The following CLDN15 variants were observed in gnomAD, a reference collection of about 807,000 sequenced individuals.
CLDN15 encodes the protein claudin-15.
A neutral mutation model predicts 24.5 loss-of-function variants in CLDN15; 9 were observed. That is an observed-to-expected ratio of 0.37 (90% CI 0.22 to 0.64). The LOEUF (loss-of-function observed/expected upper bound fraction) is 0.64, where lower values mean the gene tolerates loss of function less well. CLDN15 is among the 30% of genes least tolerant of loss of function. The pLI is 0.63. For synonymous variants in CLDN15, 149 were observed against 131.4 expected (o/e 1.13, Z -0.92); for missense variants, 248 against 305.9 (o/e 0.81, Z 1.41).
upstream of CLDN15, chr7:101,237,855 C>A (rs1305321013): frequency 4.2e-6 from 2 of 479,468 alleles, no homozygotes; most frequent in South Asian, 2.1e-5. This position sits in a 1 kb window ranked among gnomAD's most constrained non-coding sequence, Gnocchi z 4.0. Flanking sequence ...ATAACCGAAA[C>A]GGGCCAAAAG....
chr7:101,233,764 AT>A (rs746861741), intron 2 of CLDN15: 2,156 of 88,500 alleles, frequency 0.024, 39 homozygotes, highest in Admixed American at 0.086. Flanking sequence ...CGCCTGGCTA[AT>A]TTTTTTTTTT....
chr7:101,232,579 C>T lies in CLDN15; in HGVS notation c.581+25G>A, dbSNP rs377039190. The T allele has an allele frequency of 1.8e-3, 2,837 of 1,595,446 alleles. 7 individuals carry two copies. The highest frequency in any genetic ancestry group is 0.011 in the Middle Eastern group (66 of 5,800). On this transcript the variant is annotated intron_variant, in intron 4 of 4. Transcript: ENST00000308344. ...CTCCTCTCTCCAATCCCGCCCGGCCCCAGCCTGCGCCTCACCCTGCTCACC... is the reference window on the plus strand; with the variant it reads ...CTCCTCTCTCCAATCCCGCCCGGCCTCAGCCTGCGCCTCACCCTGCTCACC...
At position 101,232,624 on chromosome 7, in the gene CLDN15, A is replaced by G; in HGVS notation, c.561T>C (p.Ser187=). The change falls in exon 4 of 5, where the codon TCT becomes TCC. Residue 187 remains serine, a synonymous_variant. Transcript: ENST00000308344. ...CTCACCTGGCGGCTGGGTCCTCGTC[A>G]GAGCCGCAGCAGCAGGCGGAGCAGA... ...LCLCSACCCG[S]DEDPAASARR... 1 of 1,589,466 alleles carries G rather than the reference A, an allele frequency of 6.3e-7. No homozygotes were observed. Among genetic ancestry groups the G allele is most frequent in the Non-Finnish European group, 8.6e-7 (1 of 1,168,214 alleles).
chr7:101,234,370 A>G lies in CLDN15; in HGVS notation c.290T>C (p.Ile97Thr), dbSNP rs2116836989. The G allele has an allele frequency of 6.2e-7, 1 of 1,612,936 alleles. No homozygotes were observed. Among genetic ancestry groups the G allele is most frequent in the East Asian group, 2.2e-5 (1 of 44,868 alleles). The change falls in exon 2 of 5, where the codon ATA becomes ACA. Residue 97 changes from isoleucine (I) to threonine (T), a missense_variant. Transcript: ENST00000308344. ...LLGFLGLLLGIAGLRCTNIGG... is the reference protein window; with the variant it reads ...LLGFLGLLLGTAGLRCTNIGG... Reference sequence around the variant, plus strand: ...AATGTTGGTGCAGCGCAGGCCCGCTATGCCTAGCAAGAGGCCGAGGAAGCC... The same window carrying G: ...AATGTTGGTGCAGCGCAGGCCCGCTGTGCCTAGCAAGAGGCCGAGGAAGCC...
chr7:101,232,822 T>A lies in CLDN15; in HGVS notation c.464+11A>T. ...CCCCGAGGGCGGGGGGTGGGGGGTT[T>A]CCTCACTCACTTGGTTCCGGGGTAC... On this transcript the variant is annotated intron_variant, in intron 3 of 4. Coordinates refer to ENST00000308344, the MANE Select transcript of CLDN15 (RefSeq NM_014343.3). 1 of 1,609,304 alleles carries A rather than the reference T, an allele frequency of 6.2e-7. No individual in the cohort carries two copies. The highest frequency in any genetic ancestry group is 8.5e-7 in the Non-Finnish European group (1 of 1,176,104).
rs10224994 is a variant in CLDN15, at chr7:101,237,098, C to T, written c.217+267G>A. 1.3e-3 allele frequency among the ~76,000 whole-genome samples: 191 copies of T among 152,348 alleles called. No individual in the cohort carries two copies. Among genetic ancestry groups the T allele is most frequent in the African/African-American group, 4.4e-3 (182 of 41,582 alleles). On this transcript the variant is annotated intron_variant, in intron 1 of 4. Coordinates refer to ENST00000308344, the MANE Select transcript of CLDN15 (RefSeq NM_014343.3). The surrounding 1 kb of genome is among the most constrained non-coding windows in gnomAD (Gnocchi z 4.0). ...TGAAGCTGGTTTCATCATTTGCCCA[C>T]AGCACAGGGCTGGGAAAGGGGGTCT...
chr7:101,235,730 TCCTC>T (rs1798608362), intron 1 of CLDN15, among the ~76,000 whole-genome samples: 1 of 151,982 alleles, frequency 6.6e-6, no homozygotes, highest in South Asian at 2.1e-4. Flanking sequence ...AGCACTTTCT[TCCTC>T]CCAGCCACTC....
In CLDN15 at chr7:101,237,599, T is replaced by TG. The variant is rs755492734; in HGVS notation, c.-19dup. 393 of 1,596,834 alleles carry TG rather than the reference T, an allele frequency of 2.5e-4. No homozygotes were observed. The highest frequency in any genetic ancestry group is 3.1e-4 in the Non-Finnish European group (364 of 1,164,924). ...ATCGACATGGTGGGATGCAGGACCC[T>TG]GGGGGGCTGGTGCCCCAGAGAGGGG... On this transcript the variant is annotated 5_prime_UTR_variant, in exon 1 of 5. Transcript: ENST00000308344. The surrounding 1 kb of genome is among the most constrained non-coding windows in gnomAD (Gnocchi z 4.0).
At position 101,232,844 on chromosome 7, in the gene CLDN15, G is replaced by T; in HGVS notation, c.453C>A (p.Tyr151Ter). 6.2e-7 allele frequency: 1 copy of T among 1,613,110 alleles called. No individual in the cohort carries two copies. The highest frequency in any genetic ancestry group is 8.5e-7 in the Non-Finnish European group (1 of 1,179,496). ...NITRDFFDPL[Y>*]PGTKYELGPA... ...GTTTCCTCACTCACTTGGTTCCGGG[G>T]TACAAGGGGTCGAAGAAGTCCCGGG... is the stretch of plus-strand genomic sequence containing the variant. The change falls in exon 3 of 5, where the codon TAC becomes TAA. Residue 151 changes from tyrosine to a stop codon, truncating the protein, a stop_gained. Transcript: ENST00000308344. LOFTEE classifies it high-confidence loss of function.
Position 101,234,399 on chromosome 7 carries a change from G to A in CLDN15, c.261C>T (p.Leu87=). 1 of 1,613,334 alleles carries A rather than the reference G, an allele frequency of 6.2e-7. No individual in the cohort carries two copies. The highest frequency in any genetic ancestry group is 8.5e-7 in the Non-Finnish European group (1 of 1,179,522). The change falls in exon 2 of 5, where the codon CTC becomes CTT. Residue 87 remains leucine (L), a synonymous_variant. Coordinates refer to ENST00000308344, the MANE Select transcript of CLDN15 (RefSeq NM_014343.3). ...ACRALMITAI[L]LGFLGLLLGI... is the part of the protein sequence containing the mutation. ...CTAGCAAGAGGCCGAGGAAGCCCAG[G>A]AGGATGGCGGTGATCATGAGTGCCC...
intron 2 of CLDN15, 53 bp from the exon 3 acceptor site, chr7:101,232,967 A>ATTGGGGGGGT: frequency 1.8e-6 from 1 of 546,996 alleles, no homozygotes. Flanking sequence ...ATAGTGGGGG[A>ATTGGGGGGGT]GGGGGCTTAG....
intron 2 of CLDN15, 87 bp downstream of exon 2, chr7:101,234,191 G>T: frequency 9.3e-7 from 1 of 1,070,134 alleles, no homozygotes; most frequent in Non-Finnish European, 1.4e-6. Flanking sequence ...TGAGGAGTGG[G>T]AATTGGAGAG....
intron 1 of CLDN15, among the ~76,000 whole-genome samples, chr7:101,236,270 G>A (rs978109134): frequency 6.6e-6 from 1 of 151,882 alleles, no homozygotes; most frequent in African/African-American, 2.4e-5. Context: ...TGGGGGGGGG[G>A]CCCGCCGGCC....
chr7:101,237,853 A>C, upstream of CLDN15: 3 of 468,946 alleles, frequency 6.4e-6, no homozygotes, highest in Non-Finnish European at 7.9e-6. The surrounding 1 kb of genome is among the most constrained non-coding windows in gnomAD (Gnocchi z 4.0). Flanking sequence ...GAATAACCGA[A>C]ACGGGCCAAA....
Position 101,232,634 on chromosome 7 carries a change from C to T in CLDN15, c.551G>A (p.Cys184Tyr), listed in dbSNP as rs924093320. The change falls in exon 4 of 5, where the codon TGC (cysteine) becomes TAC (tyrosine). Residue 184 changes from cysteine to tyrosine, a missense_variant. By Grantham distance (194) the Cys-to-Tyr change is radical. Transcript: ENST00000308344. Reference sequence around the variant, plus strand: ...GGCTGGGTCCTCGTCAGAGCCGCAGCAGCAGGCGGAGCAGAGGCAGAGGCC... The same window carrying T: ...GGCTGGGTCCTCGTCAGAGCCGCAGTAGCAGGCGGAGCAGAGGCAGAGGCC... ...LGGLCLCSAC[C>Y]CGSDEDPAAS... The T allele has an allele frequency of 3.8e-6, 6 of 1,587,228 alleles. No individual in the cohort carries two copies. Among genetic ancestry groups the T allele is most frequent in the Non-Finnish European group, 5.1e-6 (6 of 1,167,110 alleles).
rs547731318 is a variant in CLDN15 at position 101,236,923 on chromosome 7, G to A, written c.217+442C>T. 17 of 788,672 alleles carry A rather than the reference G, an allele frequency of 2.2e-5. No individual in the cohort carries two copies. In the African/African-American group the frequency reaches 2.7e-4, roughly 12 times the overall value. The allele number at this position is 788,672 out of a possible 1,614,324, so 48.9% of individuals were successfully genotyped here. On this transcript the variant is annotated intron_variant, in intron 1 of 4. Coordinates refer to ENST00000308344, the MANE Select transcript of CLDN15 (RefSeq NM_014343.3). ...TCAACCTCTAAGAATCCAAGATGGGGCCTCCTCCCCCTGCCCACCCCAGCA... is the reference window on the plus strand; with the variant it reads ...TCAACCTCTAAGAATCCAAGATGGGACCTCCTCCCCCTGCCCACCCCAGCA...
At chr7:101,233,067 G>GT (rs1215726788) in intron 2 of CLDN15, among the ~76,000 whole-genome samples, 153 bp from the exon 3 acceptor site, 2 of 152,078 alleles carry the variant, frequency 1.3e-5, no homozygotes, top group African/African-American at 4.8e-5. Flanking sequence ...CCCCACCCCA[G>GT]TTTATAAGCC....
intron 1 of CLDN15, chr7:101,236,857 C>T (rs1411772238): frequency 7.9e-7 from 1 of 1,268,460 alleles, no homozygotes; most frequent in Admixed American, 2.3e-5. Flanking sequence ...CCAGTGCCCC[C>T]CGACAGTGAG....
In CLDN15 at chr7:101,237,727, G is replaced by C; in HGVS notation, c.-146C>G. 1.5e-6 allele frequency: 1 copy of C among 653,490 alleles called. No homozygotes were observed. The highest frequency in any genetic ancestry group is 2.8e-6 in the Non-Finnish European group (1 of 362,540). The allele number at this position is 653,490 out of a possible 1,614,324, so 40.5% of individuals were successfully genotyped here. A position where few individuals can be genotyped will look rare whatever the true frequency, so the allele number is the denominator to read the frequency against. ...CTCAGCCTCTGCCTGCCTCTTCCTC[G>C]GGCTCAGGTCCGTCTCCACTTTCTG... On this transcript the variant is annotated 5_prime_UTR_variant, in exon 1 of 5. Coordinates refer to ENST00000308344, the MANE Select transcript of CLDN15 (RefSeq NM_014343.3). The surrounding 1 kb of genome is among the most constrained non-coding windows in gnomAD (Gnocchi z 4.0).
Sources: allele counts gnomAD v4.1 joint callset (sites outside exome capture counted in the v4.1 genomes callset), GRCh38; gene constraint gnomAD v4.1.1; non-coding constraint Gnocchi (gnomAD v3.1); transcripts MANE v1.5; gene names NCBI Gene and HGNC (gene_info 2026-07-23, HGNC 2026-07-21).